The following ZBTB20 variants were observed in gnomAD, a reference collection of about 807,000 sequenced individuals.
The protein encoded by ZBTB20 is zinc finger and BTB domain-containing protein 20.
ZBTB20 carries 9 observed loss-of-function variants against 56.9 expected under a neutral mutation model. That is an observed-to-expected ratio of 0.16 (90% CI 0.10 to 0.28). The LOEUF (loss-of-function observed/expected upper bound fraction) is 0.28, where lower values mean the gene tolerates loss of function less well. ZBTB20 is among the 10% of genes least tolerant of loss of function. The pLI is 1.00. For missense variants in ZBTB20, 655 were observed against 1,003.0 expected (o/e 0.65, Z 4.69); for synonymous variants, 417 against 420.7 (o/e 0.99, Z 0.11).
At chr3:114,768,789 G>A (rs1322439321) in intron 5 of ZBTB20, among the ~76,000 whole-genome samples, 1 of 152,130 alleles carries the variant, frequency 6.6e-6, no homozygotes, top group African/African-American at 2.4e-5. Context: ...AGGGAAGAGA[G>A]GCTACAAACG....
intron 6 of ZBTB20, among the ~76,000 whole-genome samples, chr3:114,509,570 C>T (rs1296458541): frequency 6.6e-6 from 1 of 151,982 alleles, no homozygotes; most frequent in Non-Finnish European, 1.5e-5. Context: ...AAGATATATA[C>T]CTATAAATGC....
chr3:114,766,234 C>T (rs1179340606), intron 5 of ZBTB20, among the ~76,000 whole-genome samples: 1 of 151,948 alleles, frequency 6.6e-6, no homozygotes, highest in African/African-American at 2.4e-5. Context: ...GAAACAACAG[C>T]AGAGGGAATA....
intron 6 of ZBTB20, among the ~76,000 whole-genome samples, chr3:114,680,808 G>A (rs2061926631): frequency 6.6e-6 from 1 of 152,092 alleles, no homozygotes; most frequent in African/African-American, 2.4e-5. Context: ...TAGAGTCAGG[G>A]AAAACTGGTG....
intron 7 of ZBTB20, among the ~76,000 whole-genome samples, chr3:114,412,344 T>C (rs539918651): frequency 2.0e-5 from 3 of 152,276 alleles, no homozygotes; most frequent in East Asian, 3.9e-4. Context: ...GACATTTATT[T>C]TCTGAAGACA....
chr3:114,472,613 C>T (rs1400745103), intron 7 of ZBTB20, among the ~76,000 whole-genome samples: 1 of 151,974 alleles, frequency 6.6e-6, no homozygotes, highest in Non-Finnish European at 1.5e-5. Context: ...GAGGCTGAGG[C>T]AGGAGAATTG....
intron 2 of ZBTB20, among the ~76,000 whole-genome samples, chr3:114,991,475 G>C (rs182275874): frequency 1.8e-4 from 27 of 152,224 alleles, no homozygotes; most frequent in African/African-American, 5.3e-4. Flanking sequence ...GAGAAAGTTT[G>C]TTATAATTTC....
chr3:114,929,410 GGA>G (rs2076275944), intron 3 of ZBTB20, among the ~76,000 whole-genome samples: 1 of 152,194 alleles, frequency 6.6e-6, no homozygotes, highest in African/African-American at 2.4e-5. Context: ...AGGTGAGAAA[GGA>G]GAGAAAGGAA....
intron 4 of ZBTB20, among the ~76,000 whole-genome samples, chr3:114,882,908 T>C (rs535337657): frequency 1.3e-5 from 2 of 152,126 alleles, no homozygotes; most frequent in African/African-American, 4.8e-5. Flanking sequence ...AGAAAGATTG[T>C]TCAGTGTAAT....
At chr3:114,369,899 T>A (rs965371013) in intron 10 of ZBTB20, among the ~76,000 whole-genome samples, 1 of 152,216 alleles carries the variant, frequency 6.6e-6, no homozygotes, top group African/African-American at 2.4e-5. Flanking sequence ...ATGTTCAAAG[T>A]GTATGACACC....
intron 2 of ZBTB20, among the ~76,000 whole-genome samples, chr3:115,048,495 A>T (rs2081420439): frequency 6.6e-6 from 1 of 152,192 alleles, no homozygotes; most frequent in Non-Finnish European, 1.5e-5. Flanking sequence ...GATAAATCAT[A>T]ATGATAATCA....
At chr3:114,745,045 T>C (rs901262755) in intron 5 of ZBTB20, among the ~76,000 whole-genome samples, 1 of 152,194 alleles carries the variant, frequency 6.6e-6, no homozygotes, top group African/African-American at 2.4e-5. Flanking sequence ...TCTGTTAATG[T>C]GTGGCAGAGA....
chr3:114,959,869 C>T (rs948565007), intron 3 of ZBTB20, among the ~76,000 whole-genome samples: 1 of 152,052 alleles, frequency 6.6e-6, no homozygotes, highest in African/African-American at 2.4e-5. Flanking sequence ...GCAGATAAGT[C>T]ACTAGCATCA....
intron 4 of ZBTB20, among the ~76,000 whole-genome samples, chr3:114,868,253 G>T (rs1437479122): frequency 6.6e-6 from 1 of 152,156 alleles, no homozygotes; most frequent in Admixed American, 6.6e-5. Context: ...AACCACAGCT[G>T]ACAAACTTCT....
intron 4 of ZBTB20, among the ~76,000 whole-genome samples, chr3:114,837,800 T>G (rs1025526641): frequency 6.6e-6 from 1 of 151,814 alleles, no homozygotes; most frequent in Non-Finnish European, 1.5e-5. Context: ...CAGGTGAAAA[T>G]AGAGGATGTG....
At chr3:115,002,146 T>C (rs960363576) in intron 2 of ZBTB20, among the ~76,000 whole-genome samples, 2 of 151,456 alleles carry the variant, frequency 1.3e-5, no homozygotes, top group Non-Finnish European at 3.0e-5. Flanking sequence ...GCAAAAGTCT[T>C]TTCAACAAAT....
chr3:114,742,150 T>C lies in ZBTB20; in HGVS notation c.-342-48575A>G, dbSNP rs1291087613. ...CCATAGGTCAACCACCCATCATACC[T>C]ACATTACCCCATATGACAAGTGGAT... On this transcript the variant is annotated intron_variant, in intron 5 of 11. Coordinates refer to ENST00000675478, the MANE Select transcript of ZBTB20 (RefSeq NM_001348800.3). 5.9e-5 allele frequency among the ~76,000 whole-genome samples: 9 copies of C among 152,298 alleles called. No homozygotes were observed. The South Asian group carries it at 8.3e-4, about 14-fold the overall frequency.
Position 114,333,251 on chromosome 3 carries a change from A to G in ZBTB20, c.*5754T>C, listed in dbSNP as rs547042874. The G allele has an allele frequency of 3.9e-5, 6 of 152,344 alleles. No homozygotes were observed. Among genetic ancestry groups the G allele is most frequent in the East Asian group, 3.9e-4 (2 of 5,186 alleles). The allele number at this position is 152,344 out of a possible 1,614,324, so 9.4% of individuals were successfully genotyped here. A position where few individuals can be genotyped will look rare whatever the true frequency, so the allele number is the denominator to read the frequency against. ...TGTAAAGGTTTAAGTGATATCAGAA[A>G]TAGCAACTCTACACGGAAAGCCCTT... On this transcript the variant is annotated 3_prime_UTR_variant, in exon 12 of 12. Coordinates refer to ENST00000675478, the MANE Select transcript of ZBTB20 (RefSeq NM_001348800.3).
At position 114,777,041 on chromosome 3, in the gene ZBTB20, G is replaced by A. The variant is rs1001607201; in HGVS notation, c.-343+24060C>T. On this transcript the variant is annotated intron_variant, in intron 5 of 11. Coordinates refer to ENST00000675478, the MANE Select transcript of ZBTB20 (RefSeq NM_001348800.3). ...TCAATTATCAGTATCATTAACTTTA[G>A]TGACATTTGATTTGGCAAATATAAA... Among the ~76,000 whole-genome samples the A allele has an allele frequency of 4.1e-4, 63 of 151,994 alleles. 1 individual carries two copies. Among genetic ancestry groups the A allele is most frequent in the Admixed American group, 1.7e-3 (26 of 15,254 alleles).
intron 7 of ZBTB20, among the ~76,000 whole-genome samples, chr3:114,402,269 C>A (rs1212394450): frequency 6.6e-6 from 1 of 152,114 alleles, no homozygotes; most frequent in Non-Finnish European, 1.5e-5. Context: ...GGTTATATGT[C>A]AAAATGGCTG....
Sources: gnomAD v4.1 joint callset for allele counts (sites outside exome capture counted in the v4.1 genomes callset) on GRCh38, gnomAD v4.1.1 for gene constraint, MANE v1.5 for transcripts, NCBI Gene and HGNC (gene_info 2026-07-23, HGNC 2026-07-21) for gene names.